Variants in CNTN4 observed in about 807,000 individuals in gnomAD.
CNTN4 encodes contactin 4.
In CNTN4, 77 loss-of-function variants were observed where a neutral mutation model predicts 122.5. The ratio of observed to expected loss-of-function variants is 0.63; its 90% CI spans 0.52 to 0.76. The LOEUF is 0.76. Ranked by LOEUF, CNTN4 falls within the 30% of genes least tolerant of loss-of-function variation. The probability of loss-of-function intolerance (pLI) is 0.00; values close to 1 mark genes in which losing one functional copy is unlikely to be tolerated. For missense variants in CNTN4, 1,256 were observed against 1,259.1 expected, an observed-to-expected ratio of 1.00 and a Z score of 0.04; for synonymous variants, 512 against 447.0, an observed-to-expected ratio of 1.15 and a Z score of -1.83.
At chr3:2,403,103 CTTCT>C (rs758862217) in intron 3 of CNTN4, among the ~76,000 whole-genome samples, 18 of 152,022 alleles carry the variant, frequency 1.2e-4, no homozygotes, top group Non-Finnish European at 2.4e-4. Flanking sequence ...AATCCTTGGC[CTTCT>C]TTGTCTTGTA....
At chr3:2,932,086 T>C (rs1162545194) in intron 13 of CNTN4, among the ~76,000 whole-genome samples, 1 of 151,900 alleles carries the variant, frequency 6.6e-6, no homozygotes, top group Non-Finnish European at 1.5e-5. Context: ...GCTTAAACAG[T>C]ACAAATTTAG....
intron 2 of CNTN4, among the ~76,000 whole-genome samples, chr3:2,293,594 T>C (rs899369250): frequency 6.6e-6 from 1 of 152,198 alleles, no homozygotes; most frequent in African/African-American, 2.4e-5. Context: ...AATGAGTCAA[T>C]AGGTTTCTTG....
intron 3 of CNTN4, among the ~76,000 whole-genome samples, chr3:2,365,148 G>A (rs1031538759): frequency 1.3e-5 from 2 of 151,960 alleles, no homozygotes; most frequent in Admixed American, 1.3e-4. Context: ...TGAAGCCCTT[G>A]TAACGAGTAC....
chr3:2,360,747 C>G (rs1038824618), intron 3 of CNTN4, among the ~76,000 whole-genome samples: 7 of 152,238 alleles, frequency 4.6e-5, no homozygotes, highest in South Asian at 2.1e-4. Context: ...AACTCTCTCA[C>G]TATCCGGAGA....
intron 2 of CNTN4, among the ~76,000 whole-genome samples, chr3:2,134,887 C>A (rs565654994): frequency 3.7e-4 from 56 of 152,294 alleles, no homozygotes; most frequent in Middle Eastern, 3.4e-3. Context: ...GGGCAATCTG[C>A]TTTACTTAGT....
chr3:2,465,450 A>G (rs980129594), intron 3 of CNTN4, among the ~76,000 whole-genome samples: 1 of 152,056 alleles, frequency 6.6e-6, no homozygotes, highest in Non-Finnish European at 1.5e-5. Context: ...GCCGAGATAG[A>G]CGGATTGCCT....
intron 3 of CNTN4, among the ~76,000 whole-genome samples, chr3:2,420,522 G>T (rs962231463): frequency 9.2e-5 from 14 of 151,664 alleles, no homozygotes; most frequent in Middle Eastern, 3.4e-3. Context: ...TGCAACCTCT[G>T]CCTCCCAGGT....
intron 2 of CNTN4, among the ~76,000 whole-genome samples, chr3:2,304,326 A>G (rs990805394): frequency 2.6e-5 from 4 of 152,206 alleles, no homozygotes; most frequent in Non-Finnish European, 4.4e-5. Context: ...GTCATAAGGT[A>G]TATTTGTATA....
At chr3:2,448,931 G>A (rs2048725111) in intron 3 of CNTN4, among the ~76,000 whole-genome samples, 1 of 152,132 alleles carries the variant, frequency 6.6e-6, no homozygotes. Context: ...AGCCATGTAA[G>A]GCTACCTTTC....
intron 2 of CNTN4, among the ~76,000 whole-genome samples, chr3:2,242,698 A>G (rs2039990287): frequency 1.3e-5 from 2 of 152,250 alleles, no homozygotes; most frequent in South Asian, 4.1e-4. Flanking sequence ...ATGAATAAAG[A>G]TGGATCTGGA....
At chr3:2,332,321 G>A (rs552435503) in intron 2 of CNTN4, among the ~76,000 whole-genome samples, 8 of 152,168 alleles carry the variant, frequency 5.3e-5, no homozygotes, top group African/African-American at 1.9e-4. Flanking sequence ...TCATTTTAAG[G>A]TTTACGTAAG....
chr3:2,779,885 G>A (rs4056952), intron 6 of CNTN4, among the ~76,000 whole-genome samples: 40,437 of 152,082 alleles, frequency 0.27, 5,957 homozygotes, highest in African/African-American at 0.39. Context: ...GTAGCAATAC[G>A]TTATTTCAAA....
chr3:2,698,882 G>A (rs1048581354), intron 4 of CNTN4, among the ~76,000 whole-genome samples: 5 of 152,274 alleles, frequency 3.3e-5, no homozygotes, highest in Admixed American at 1.3e-4. Context: ...AATTAGCCAG[G>A]TGTGGTGGCA....
At chr3:2,680,175 A>C (rs1448854972) in intron 4 of CNTN4, among the ~76,000 whole-genome samples, 1 of 152,184 alleles carries the variant, frequency 6.6e-6, no homozygotes, top group Non-Finnish European at 1.5e-5. Flanking sequence ...TATAAGCTAG[A>C]CTATAATATG....
chr3:2,698,166 T>C (rs1378670816), intron 4 of CNTN4, among the ~76,000 whole-genome samples: 2 of 152,098 alleles, frequency 1.3e-5, no homozygotes, highest in Non-Finnish European at 2.9e-5. Context: ...TCAGGAGAGG[T>C]TGTCAAGAGA....
In CNTN4 at chr3:2,968,706, C is replaced by T. The variant is rs762481755; in HGVS notation, c.1359-19639C>T. 4.9e-4 allele frequency among the ~76,000 whole-genome samples: 75 copies of T among 152,110 alleles called. 1 individual carries two copies. The highest frequency in any genetic ancestry group is 2.5e-4 in the Non-Finnish European group (17 of 68,018). Reference sequence around the variant, plus strand: ...TCATTACTGTGCTAGGTTTTGAACACAGAGAGCAAAAGGACTATATTGCAT... The same window carrying T: ...TCATTACTGTGCTAGGTTTTGAACATAGAGAGCAAAAGGACTATATTGCAT... On this transcript the variant is annotated intron_variant, in intron 13 of 24. Coordinates refer to ENST00000418658, the MANE Select transcript of CNTN4 (RefSeq NM_175607.3).
chr3:2,148,735 C>A (rs1460645643), intron 2 of CNTN4, among the ~76,000 whole-genome samples: 1 of 151,964 alleles, frequency 6.6e-6, no homozygotes, highest in East Asian at 1.9e-4. Context: ...GTTAATGCGT[C>A]CCTCCTTCCA....
intron 12 of CNTN4, among the ~76,000 whole-genome samples, chr3:2,918,854 A>G (rs2094397167): frequency 6.6e-6 from 1 of 152,172 alleles, no homozygotes; most frequent in Admixed American, 6.5e-5. Context: ...TCATAACCCT[A>G]TATGAAGGGG....
chr3:2,779,958 T>A lies in CNTN4; in HGVS notation c.358+34261T>A, dbSNP rs75796981. Among the ~76,000 whole-genome samples the A allele has an allele frequency of 3.3e-5, 5 of 152,372 alleles. No homozygotes were observed. In the East Asian group the frequency reaches 9.6e-4, roughly 29 times the overall value. ...TCAGATAGTGACATAAGAAATTTGT[T>A]AATTTATTCATTTATTTGAAGAACT... On this transcript the variant is annotated intron_variant, in intron 6 of 24. Transcript: ENST00000418658.
Sources: allele counts gnomAD v4.1 joint callset (sites outside exome capture counted in the v4.1 genomes callset), GRCh38; gene constraint gnomAD v4.1.1; transcripts MANE v1.5; gene names NCBI Gene and HGNC (gene_info 2026-07-23, HGNC 2026-07-21).